PDE7B: variants seen among roughly 807,000 people sequenced by gnomAD.
The protein encoded by PDE7B is 3',5'-cyclic-AMP phosphodiesterase 7B.
In PDE7B, 29 loss-of-function variants were observed where a neutral mutation model predicts 56.2. That is an observed-to-expected ratio of 0.52 (90% CI 0.38 to 0.70). The LOEUF (loss-of-function observed/expected upper bound fraction) is 0.70, where lower values mean the gene tolerates loss of function less well. PDE7B is among the 30% of genes least tolerant of loss of function. PDE7B has a pLI of 0.00. For synonymous variants in PDE7B, 197 were observed against 196.9 expected (o/e 1.00, Z 0.00); for missense variants, 490 against 565.0 (o/e 0.87, Z 1.35).
In PDE7B at chr6:136,123,455, C is replaced by T. The variant is rs1482000597; in HGVS notation, c.166+14641C>T. 3.9e-5 allele frequency among the ~76,000 whole-genome samples: 6 copies of T among 152,158 alleles called. 1 individual carries two copies. The highest frequency in any genetic ancestry group is 2.6e-4 in the Admixed American group (4 of 15,276). ...TCATATCACTGCCAAACTATCTCAACGTTCACATAGAAAATCATTTTTACA... is the reference window on the plus strand; with the variant it reads ...TCATATCACTGCCAAACTATCTCAATGTTCACATAGAAAATCATTTTTACA... On this transcript the variant is annotated intron_variant, in intron 3 of 12. Coordinates refer to ENST00000308191, the MANE Select transcript of PDE7B (RefSeq NM_018945.4).
rs763916788 is a variant in PDE7B at position 136,151,263 on chromosome 6, C to T, written c.478+8C>T. ...CCTTACACCGATTTTTAGGTAAGTC[C>T]TTTTTTTCACATTTCTAGCCCCATT... On this transcript the variant is annotated splice_region_variant and intron_variant, in intron 6 of 12. Coordinates refer to ENST00000308191, the MANE Select transcript of PDE7B (RefSeq NM_018945.4). The T allele has an allele frequency of 1.0e-5, 14 of 1,399,518 alleles. No homozygotes were observed. Among genetic ancestry groups the T allele is most frequent in the Non-Finnish European group, 1.4e-5 (14 of 985,114 alleles). 86.7% of individuals were successfully genotyped at this position (1,399,518 alleles called of 1,614,324 possible). A position where few individuals can be genotyped will look rare whatever the true frequency, so the allele number is the denominator to read the frequency against.
chr6:136,112,293 A>G (rs1216561763), intron 3 of PDE7B, among the ~76,000 whole-genome samples: 3 of 152,374 alleles, frequency 2.0e-5, no homozygotes, highest in Admixed American at 2.0e-4. Context: ...TAACTAGAAC[A>G]GAAGTGGACA....
intron 1 of PDE7B, among the ~76,000 whole-genome samples, chr6:135,899,322 G>A (rs1017210160): frequency 9.2e-5 from 14 of 151,718 alleles, no homozygotes; most frequent in Non-Finnish European, 1.8e-4. Context: ...CCTGAAACCT[G>A]GGTAATGTCT....
chr6:136,161,751 C>T (rs1393455426), intron 8 of PDE7B, among the ~76,000 whole-genome samples: 1 of 152,150 alleles, frequency 6.6e-6, no homozygotes, highest in African/African-American at 2.4e-5. Context: ...GTTCTTTTAA[C>T]TTTTGTAGCT....
intron 1 of PDE7B, among the ~76,000 whole-genome samples, chr6:135,926,491 G>C (rs989325139): frequency 6.6e-6 from 1 of 152,072 alleles, no homozygotes; most frequent in South Asian, 2.1e-4. Context: ...CTGCGGGTGG[G>C]GGGGGCTTAG....
intron 2 of PDE7B, among the ~76,000 whole-genome samples, chr6:136,018,019 T>C (rs547207600): frequency 3.3e-5 from 5 of 152,298 alleles, no homozygotes; most frequent in African/African-American, 1.2e-4. Flanking sequence ...GGGACTATGA[T>C]GGTAGTGGAT....
intron 5 of PDE7B, 135 bp downstream of exon 5, chr6:136,149,285 G>A (rs757101159): frequency 7.6e-6 from 5 of 656,210 alleles, no homozygotes; most frequent in Non-Finnish European, 1.4e-5. Context: ...TACAGCTACT[G>A]AAGAAGGACC....
At chr6:135,972,747 A>T (rs1775115157) in intron 2 of PDE7B, among the ~76,000 whole-genome samples, 1 of 152,220 alleles carries the variant, frequency 6.6e-6, no homozygotes, top group Admixed American at 6.5e-5. Context: ...ATAAGCCAAG[A>T]GGTTTTTATG....
At chr6:136,059,633 A>G (rs181852185) in intron 2 of PDE7B, among the ~76,000 whole-genome samples, 3 of 152,310 alleles carry the variant, frequency 2.0e-5, no homozygotes, top group African/African-American at 7.2e-5. Flanking sequence ...TAAATTTATA[A>G]GTTTTAATTA....
At chr6:135,911,270 A>G (rs1776207752) in intron 1 of PDE7B, among the ~76,000 whole-genome samples, 1 of 152,186 alleles carries the variant, frequency 6.6e-6, no homozygotes, top group Non-Finnish European at 1.5e-5. Flanking sequence ...ACAGCTGTTC[A>G]GGGAAAAATA....
chr6:136,077,031 T>A (rs779792160), intron 2 of PDE7B, among the ~76,000 whole-genome samples: 6 of 150,158 alleles, frequency 4.0e-5, no homozygotes, highest in Non-Finnish European at 8.8e-5. Flanking sequence ...TTTCTTCTTA[T>A]GTACCCTGTG....
At chr6:135,975,799 G>A (rs1291634705) in intron 2 of PDE7B, among the ~76,000 whole-genome samples, 2 of 78,928 alleles carry the variant, frequency 2.5e-5, no homozygotes, top group Admixed American at 1.4e-4. Flanking sequence ...CCCCAATGGG[G>A]ATACCTTAGG....
At chr6:136,165,743 A>C (rs1778782306) in intron 8 of PDE7B, 3 of 152,362 alleles carry the variant, frequency 2.0e-5, no homozygotes, top group Middle Eastern at 3.4e-3. Flanking sequence ...TTTGGTTTAA[A>C]CAACCTTCCT....
chr6:135,962,456 C>T (rs968904152), intron 2 of PDE7B, among the ~76,000 whole-genome samples: 10 of 152,078 alleles, frequency 6.6e-5, no homozygotes, highest in Admixed American at 5.9e-4. Context: ...TTTTTGCTAC[C>T]AGGTGGTAAA....
intron 2 of PDE7B, among the ~76,000 whole-genome samples, chr6:135,986,081 A>G (rs147421473): frequency 6.6e-6 from 1 of 152,328 alleles, no homozygotes; most frequent in Non-Finnish European, 1.5e-5. Flanking sequence ...CTGGAATCAG[A>G]GTTCTGTTCA....
At chr6:136,133,646 C>T (rs1034539679) in intron 3 of PDE7B, among the ~76,000 whole-genome samples, 4 of 152,118 alleles carry the variant, frequency 2.6e-5, no homozygotes, top group Non-Finnish European at 4.4e-5. Flanking sequence ...AACACCTTTT[C>T]GGTAAGCTAG....
intron 2 of PDE7B, among the ~76,000 whole-genome samples, chr6:136,025,784 C>T (rs141410915): frequency 8.0e-4 from 122 of 152,334 alleles, no homozygotes; most frequent in Admixed American, 3.2e-3. Flanking sequence ...TCTACTACCC[C>T]AGGACAGAAA....
chr6:136,124,028 C>T (rs1225733002), intron 3 of PDE7B, among the ~76,000 whole-genome samples: 1 of 152,068 alleles, frequency 6.6e-6, no homozygotes, highest in Non-Finnish European at 1.5e-5. Context: ...TTTGAACTTT[C>T]TATTGAACAG....
intron 1 of PDE7B, among the ~76,000 whole-genome samples, chr6:135,935,919 G>A (rs6934436): frequency 0.5 from 76,455 of 151,900 alleles, 19,559 homozygotes; most frequent in East Asian, 0.66. Flanking sequence ...AATTTGACCA[G>A]TAATAGTTTT....
Sources: gnomAD v4.1 joint callset for allele counts (sites outside exome capture counted in the v4.1 genomes callset) on GRCh38, gnomAD v4.1.1 for gene constraint, MANE v1.5 for transcripts, NCBI Gene and HGNC (gene_info 2026-07-23, HGNC 2026-07-21) for gene names.